GNG12: variants seen among roughly 807,000 people sequenced by gnomAD.
GNG12 encodes G protein subunit gamma 12.
For missense variants in GNG12, 69 were observed against 83.8 expected (o/e 0.82, Z 0.69); for synonymous variants, 28 against 29.7 (o/e 0.94, Z 0.19).
intron 2 of GNG12, among the ~76,000 whole-genome samples, chr1:67,755,031 G>A (rs575354867): frequency 5.9e-5 from 9 of 152,262 alleles, no homozygotes; most frequent in Non-Finnish European, 7.3e-5. Flanking sequence ...ATGAGGGGAG[G>A]TTGGCTTGGG....
chr1:67,831,594 C>T (rs1647045276), intron 1 of GNG12, among the ~76,000 whole-genome samples: 1 of 152,152 alleles, frequency 6.6e-6, no homozygotes, highest in Non-Finnish European at 1.5e-5. Context: ...GACTTTTCAG[C>T]ATTTTTTGGA....
rs1051569174 is a variant in GNG12, at chr1:67,704,456, A to G, written c.*995T>C. 6.6e-6 allele frequency: 1 copy of G among 152,440 alleles called. No individual in the cohort carries two copies. The highest frequency in any genetic ancestry group is 6.5e-5 in the Admixed American group (1 of 15,280). The allele number at this position is 152,440 out of a possible 1,614,324, so 9.4% of individuals were successfully genotyped here. ...CAGAGAGAGCAAGACAGAGGGCTCA[A>G]TCACAAAGCTGGGACAAGGAGAGCA... On this transcript the variant is annotated 3_prime_UTR_variant, in exon 4 of 4. Transcript: ENST00000370982.
intron 1 of GNG12, among the ~76,000 whole-genome samples, chr1:67,819,016 C>T (rs1407809432): frequency 6.6e-6 from 1 of 151,962 alleles, no homozygotes; most frequent in African/African-American, 2.4e-5. Context: ...AGGAAGTGAC[C>T]CACTGAAATT....
chr1:67,792,858 G>C (rs998253799), intron 1 of GNG12, among the ~76,000 whole-genome samples: 1 of 152,146 alleles, frequency 6.6e-6, no homozygotes, highest in Non-Finnish European at 1.5e-5. Context: ...CAATATATTT[G>C]GGTTTTCTGG....
chr1:67,803,473 G>A (rs761858965), intron 1 of GNG12, among the ~76,000 whole-genome samples: 9 of 152,182 alleles, frequency 5.9e-5, no homozygotes, highest in Non-Finnish European at 1.3e-4. Context: ...AGGAGTGAGA[G>A]AACAGCAGCC....
At chr1:67,734,971 A>G (rs1646444050) in intron 2 of GNG12, among the ~76,000 whole-genome samples, 1 of 152,080 alleles carries the variant, frequency 6.6e-6, no homozygotes, top group Admixed American at 6.5e-5. Flanking sequence ...CTCCTGCTTC[A>G]GCCTCCAGAG....
chr1:67,753,706 A>C (rs1297908341), intron 2 of GNG12, among the ~76,000 whole-genome samples: 1 of 152,194 alleles, frequency 6.6e-6, no homozygotes. Context: ...CTGTATCCCT[A>C]GCACTTACTA....
At chr1:67,728,840 AGAATG>A (rs1213087980) in intron 2 of GNG12, among the ~76,000 whole-genome samples, 1 of 152,224 alleles carries the variant, frequency 6.6e-6, no homozygotes, top group Non-Finnish European at 1.5e-5. Context: ...TCCTTTAGCC[AGAATG>A]GTTTGGGGAA....
intron 1 of GNG12, among the ~76,000 whole-genome samples, chr1:67,815,135 T>A (rs987387412): frequency 1.2e-4 from 18 of 152,316 alleles, no homozygotes; most frequent in African/African-American, 4.3e-4. Context: ...GGAAATTCAA[T>A]CCAAACAAAA....
intron 2 of GNG12, among the ~76,000 whole-genome samples, chr1:67,768,887 T>C (rs1646656338): frequency 6.6e-6 from 1 of 152,234 alleles, no homozygotes; most frequent in African/African-American, 2.4e-5. Flanking sequence ...AATCACCATA[T>C]GCTTTTAGGC....
chr1:67,732,260 A>C (rs2100701012), intron 2 of GNG12, among the ~76,000 whole-genome samples: 1 of 152,382 alleles, frequency 6.6e-6, no homozygotes, highest in Admixed American at 6.5e-5. Flanking sequence ...CTATGTTCTC[A>C]AAAGAACTGA....
intron 1 of GNG12, among the ~76,000 whole-genome samples, chr1:67,781,224 G>C (rs1351718568): frequency 3.3e-5 from 5 of 152,166 alleles, no homozygotes; most frequent in Non-Finnish European, 5.9e-5. Context: ...ACTGCATCTA[G>C]AATGTAAAAG....
chr1:67,801,375 C>G (rs1285145552), intron 1 of GNG12, among the ~76,000 whole-genome samples: 1 of 152,188 alleles, frequency 6.6e-6, no homozygotes, highest in Non-Finnish European at 1.5e-5. Flanking sequence ...ATTATCTGTT[C>G]AAGGTCACAT....
intron 2 of GNG12, among the ~76,000 whole-genome samples, chr1:67,765,129 C>T (rs193258784): frequency 6.6e-6 from 1 of 152,200 alleles, no homozygotes; most frequent in East Asian, 1.9e-4. Context: ...ATGCCCCTGT[C>T]AAGCACTGAA....
At chr1:67,790,928 A>G (rs1305252714) in intron 1 of GNG12, among the ~76,000 whole-genome samples, 2 of 151,952 alleles carry the variant, frequency 1.3e-5, no homozygotes, top group African/African-American at 2.4e-5. Context: ...CTTTATTCCT[A>G]TATGTATTTG....
intron 2 of GNG12, among the ~76,000 whole-genome samples, chr1:67,763,415 A>G (rs1646617746): frequency 6.6e-6 from 1 of 152,158 alleles, no homozygotes. Flanking sequence ...AATATTTAAG[A>G]GTAAGTGCTG....
intron 1 of GNG12, among the ~76,000 whole-genome samples, chr1:67,808,710 CA>C (rs1646907171): frequency 6.6e-6 from 1 of 152,034 alleles, no homozygotes; most frequent in Non-Finnish European, 1.5e-5. Flanking sequence ...TTAGCACTCC[CA>C]AAATGAAATG....
At chr1:67,743,333 G>C (rs972563816) in intron 2 of GNG12, among the ~76,000 whole-genome samples, 2 of 152,250 alleles carry the variant, frequency 1.3e-5, no homozygotes, top group Non-Finnish European at 2.9e-5. Context: ...ACTGTCAGCT[G>C]GGTAGGCAAA....
At chr1:67,775,736 G>C (rs1196374157) in intron 2 of GNG12, among the ~76,000 whole-genome samples, 1 of 152,200 alleles carries the variant, frequency 6.6e-6, no homozygotes, top group Non-Finnish European at 1.5e-5. Flanking sequence ...AAAAGAGTGA[G>C]CCAAAGAAGG....
Sources: allele counts gnomAD v4.1 joint callset (sites outside exome capture counted in the v4.1 genomes callset), GRCh38; gene constraint gnomAD v4.1.1; transcripts MANE v1.5; gene names NCBI Gene and HGNC (gene_info 2026-07-23, HGNC 2026-07-21).